The following HNRNPUL1 variants were observed in gnomAD, a reference collection of about 807,000 sequenced individuals.
HNRNPUL1 encodes heterogeneous nuclear ribonucleoprotein U-like protein 1.
Under a neutral mutation model 108.5 loss-of-function variants are expected in HNRNPUL1, and 14 were observed. The ratio of observed to expected loss-of-function variants is 0.13; its 90% CI spans 0.09 to 0.20. The LOEUF (loss-of-function observed/expected upper bound fraction) is 0.20. HNRNPUL1 is among the 10% of genes least tolerant of loss of function. HNRNPUL1 has a pLI of 1.00. For missense variants in HNRNPUL1, 804 were observed against 1,168.3 expected, an observed-to-expected ratio of 0.69 and a Z score of 4.55; for synonymous variants, 422 against 445.2, an observed-to-expected ratio of 0.95 and a Z score of 0.66.
chr19:41,277,117 C>A (rs947025626), intron 5 of HNRNPUL1, among the ~76,000 whole-genome samples: 56 of 147,406 alleles, frequency 3.8e-4, no homozygotes, highest in African/African-American at 1.3e-3. Context: ...AACAAAAAAA[C>A]AAAAACAAAA....
intron 10 of HNRNPUL1, among the ~76,000 whole-genome samples, chr19:41,295,688 G>A (rs2036851046): frequency 6.6e-6 from 1 of 152,232 alleles, no homozygotes; most frequent in South Asian, 2.1e-4. Context: ...TAGCCTTCCT[G>A]AAGTGCCTTC....
rs2037595124 is a variant in HNRNPUL1 at position 41,307,263 on chromosome 19, C to A, written c.*698C>A. 1 of 152,622 alleles carries A rather than the reference C, an allele frequency of 6.6e-6. No individual in the cohort carries two copies. The highest frequency in any genetic ancestry group is 1.5e-5 in the Non-Finnish European group (1 of 68,032). The allele number at this position is 152,622 out of a possible 1,614,324, so 9.5% of individuals were successfully genotyped here. The stretch of plus-strand genomic sequence containing the variant: ...AACCACAGAATCATCTTTAACCCAA[C>A]TTTTTATACGATGCCCCAGTTCCCC... On this transcript the variant is annotated 3_prime_UTR_variant, in exon 15 of 15. Transcript: ENST00000392006.
intron 10 of HNRNPUL1, among the ~76,000 whole-genome samples, chr19:41,296,649 T>C (rs776426405): frequency 3.9e-5 from 6 of 152,300 alleles, no homozygotes; most frequent in Admixed American, 6.5e-5. Flanking sequence ...AAGTTGTGTG[T>C]TTGTGTATAG....
At chr19:41,264,976 C>A in intron 1 of HNRNPUL1, 178 bp downstream of exon 1, 1 of 1,347,486 alleles carries the variant, frequency 7.4e-7, no homozygotes, top group African/African-American at 1.5e-5. Flanking sequence ...AGGGTGGATC[C>A]TGACACTCAG....
Position 41,292,245 on chromosome 19 carries a change from G to A in HNRNPUL1, c.1000G>A (p.Asp334Asn). ...AENDVIGCFADFECGNDVELS... is the reference protein window; with the variant it reads ...AENDVIGCFANFECGNDVELS... ...ATATTCCTTTGGCTTTTTCTCCTAG[G>A]ATTTTGAATGTGGAAATGACGTGGA... is the stretch of plus-strand genomic sequence containing the variant. The change falls in exon 8 of 15, where the codon GAT becomes AAT. Residue 334 changes from aspartate (D) to asparagine (N), a missense_variant and splice_region_variant. This residue lies in a region of HNRNPUL1 where 174 missense variants were observed against 296.6 expected (regional missense o/e 0.59). Coordinates refer to ENST00000392006, the MANE Select transcript of HNRNPUL1 (RefSeq NM_007040.6). The surrounding 1 kb of genome is among the most constrained non-coding windows in gnomAD (Gnocchi z 4.1). 1.9e-6 allele frequency: 3 copies of A among 1,613,700 alleles called. No homozygotes were observed. Among genetic ancestry groups the A allele is most frequent in the South Asian group, 2.2e-5 (2 of 91,076 alleles).
intron 11 of HNRNPUL1, chr19:41,302,277 G>A (rs931061477): frequency 3.3e-5 from 9 of 274,646 alleles, no homozygotes; most frequent in African/African-American, 7.7e-5. Flanking sequence ...GGAGTATAGT[G>A]GTGCGATCTT....
At chr19:41,284,068 C>T (rs76983602) in intron 7 of HNRNPUL1, among the ~76,000 whole-genome samples, 1,546 of 152,280 alleles carry the variant, frequency 0.01, 25 homozygotes, top group African/African-American at 0.036. Context: ...TCTCGCAATT[C>T]TTGTGTATTT....
At position 41,306,500 on chromosome 19, in the gene HNRNPUL1, T is replaced by C; in HGVS notation, c.2506T>C (p.Tyr836His). ...TCAGAACCAGGGCCAGTGGCCGCCA[T>C]ACTACGGGAACTACGACTACGGGAG... is the stretch of plus-strand genomic sequence containing the variant. ...YYQNQGQWPP[Y>H]YGNYDYGSYS... Residue 836 changes from tyrosine to histidine, a missense_variant, in exon 15 of 15, where the codon TAC (tyrosine) becomes CAC (histidine). Tyr to His is a moderately conservative substitution (Grantham distance 83). Around this residue, in one of 4 missense-constraint regions of HNRNPUL1, gnomAD observed 294 missense variants for 388.3 expected, o/e 0.76. Coordinates refer to ENST00000392006, the MANE Select transcript of HNRNPUL1 (RefSeq NM_007040.6). The C allele has an allele frequency of 6.2e-7, 1 of 1,606,354 alleles. No individual in the cohort carries two copies. Among genetic ancestry groups the C allele is most frequent in the Non-Finnish European group, 8.5e-7 (1 of 1,176,722 alleles).
intron 1 of HNRNPUL1, among the ~76,000 whole-genome samples, chr19:41,265,714 G>A (rs1310410194): frequency 6.6e-6 from 1 of 151,856 alleles, no homozygotes; most frequent in Non-Finnish European, 1.5e-5. Context: ...TAACTGTGGG[G>A]TTTTTGGAGA....
Position 41,264,402 on chromosome 19 carries a change from C to CA in HNRNPUL1, c.-102_-101insA, listed in dbSNP as rs2034672501. The CA allele has an allele frequency of 1.6e-5, 14 of 870,566 alleles. No homozygotes were observed. Among genetic ancestry groups the CA allele is most frequent in the Non-Finnish European group, 2.1e-5 (14 of 653,136 alleles). 53.9% of individuals were successfully genotyped at this position (870,566 alleles called of 1,614,324 possible). A position where few individuals can be genotyped will look rare whatever the true frequency, so the allele number is the denominator to read the frequency against. ...GAGCCGCTGCCGCCATTGGAGTGGG[C>CA]CCCCCCCCTTTCCCCCTTCGCCTCC... On this transcript the variant is annotated 5_prime_UTR_variant, in exon 1 of 15. Transcript: ENST00000392006.
chr19:41,266,325 C>G (rs1029913321), intron 1 of HNRNPUL1, among the ~76,000 whole-genome samples: 1 of 151,852 alleles, frequency 6.6e-6, no homozygotes, highest in Non-Finnish European at 1.5e-5. Context: ...CCCAGCTACT[C>G]GGGAGGCTGA....
chr19:41,268,154 C>T, intron 1 of HNRNPUL1, 69 bp from the exon 2 acceptor site: 1 of 1,544,242 alleles, frequency 6.5e-7, no homozygotes, highest in African/African-American at 1.4e-5. Flanking sequence ...CAGATGCCTT[C>T]TGGATGCTTT....
At chr19:41,297,113 G>C (rs1210334006) in intron 10 of HNRNPUL1, among the ~76,000 whole-genome samples, 4 of 152,154 alleles carry the variant, frequency 2.6e-5, no homozygotes, top group Admixed American at 6.5e-5. Context: ...GAGATGATGT[G>C]GGCATCACAG....
chr19:41,291,999 A>C (rs1467104208), intron 7 of HNRNPUL1: 11 of 515,950 alleles, frequency 2.1e-5, no homozygotes, highest in Middle Eastern at 5.2e-4. Flanking sequence ...AAAAACAAAA[A>C]AAAAAAACTC....
Position 41,306,567 on chromosome 19 carries a change from CA to C in HNRNPUL1, c.*3del, listed in dbSNP as rs778289524. 8 of 1,521,276 alleles carry C rather than the reference CA, an allele frequency of 5.3e-6. No homozygotes were observed. In the East Asian group the frequency reaches 1.5e-4, roughly 28 times the overall value. The allele number at this position is 1,521,276 out of a possible 1,614,324, so 94.2% of individuals were successfully genotyped here. A position where few individuals can be genotyped will look rare whatever the true frequency, so the allele number is the denominator to read the frequency against. ...CAGGGTGGCACAAGTACACAGTAGC[CA>C]GTGTGACCCAGAGGCTCCCGGAGGC... is the stretch of plus-strand genomic sequence containing the variant. On this transcript the variant is annotated 3_prime_UTR_variant, in exon 15 of 15. Coordinates refer to ENST00000392006, the MANE Select transcript of HNRNPUL1 (RefSeq NM_007040.6).
rs190410287 is a variant in HNRNPUL1 at position 41,285,161 on chromosome 19, A to T, written c.999+3886A>T. On this transcript the variant is annotated intron_variant, in intron 7 of 14. Transcript: ENST00000392006. ...ACTTTAGAAAGAGGTTTGGCTTAAAAATTCTTTACAGGAAAGGCAGCTTCT... is the reference window on the plus strand; with the variant it reads ...ACTTTAGAAAGAGGTTTGGCTTAAATATTCTTTACAGGAAAGGCAGCTTCT... Among the ~76,000 whole-genome samples, 9 of 152,298 alleles carry T rather than the reference A, an allele frequency of 5.9e-5. No homozygotes were observed. In the East Asian group the frequency reaches 1.7e-3, roughly 29 times the overall value.
At chr19:41,268,465 C>G in intron 2 of HNRNPUL1, 120 bp downstream of exon 2, 1 of 1,049,604 alleles carries the variant, frequency 9.5e-7, no homozygotes, top group Non-Finnish European at 1.4e-6. Context: ...GGCAGTTCAT[C>G]TAAACATTGT....
chr19:41,264,297 C>T (rs370657978), upstream of HNRNPUL1: 3 of 426,384 alleles, frequency 7.0e-6, no homozygotes, highest in East Asian at 7.1e-5. Flanking sequence ...CGCCCGTTGC[C>T]CCACGCACTG....
At position 41,264,408 on chromosome 19, in the gene HNRNPUL1, C is replaced by G. The variant is rs966282143; in HGVS notation, c.-96C>G. 2.8e-6 allele frequency: 3 copies of G among 1,081,916 alleles called. No individual in the cohort carries two copies. Among genetic ancestry groups the G allele is most frequent in the Admixed American group, 4.0e-5 (1 of 25,230 alleles). The allele number at this position is 1,081,916 out of a possible 1,614,324, so 67.0% of individuals were successfully genotyped here. ...CTGCCGCCATTGGAGTGGGCCCCCC[C>G]CCTTTCCCCCTTCGCCTCCTGACAG... is the stretch of plus-strand genomic sequence containing the variant. On this transcript the variant is annotated 5_prime_UTR_variant, in exon 1 of 15. Transcript: ENST00000392006.
Sources: gnomAD v4.1 joint callset for allele counts (sites outside exome capture counted in the v4.1 genomes callset) on GRCh38, gnomAD v4.1.1 for gene constraint, gnomAD v4.1.1 regional missense constraint, Gnocchi (gnomAD v3.1) non-coding constraint, MANE v1.5 for transcripts, NCBI Gene and HGNC (gene_info 2026-07-23, HGNC 2026-07-21) for gene names.